The following ACTR3B variants were observed in gnomAD, a reference collection of about 807,000 sequenced individuals.
ACTR3B encodes the protein actin-related protein 3B.
A neutral mutation model predicts 59.0 loss-of-function variants in ACTR3B; 8 were observed. The ratio of observed to expected loss-of-function variants is 0.14; its 90% CI spans 0.08 to 0.24. The LOEUF is 0.24. Among genes scored for constraint, ACTR3B ranks in the 10% least tolerant of loss-of-function variants. ACTR3B has a pLI of 1.00. For missense variants in ACTR3B, 245 were observed against 552.3 expected (o/e 0.44, Z 5.58); for synonymous variants, 148 against 197.9 (o/e 0.75, Z 2.12).
At chr7:152,853,628 G>T (rs759853659) in intron 11 of ACTR3B, 51 bp downstream of exon 11, 1 of 1,528,468 alleles carries the variant, frequency 6.5e-7, no homozygotes, top group Non-Finnish European at 9.0e-7. Flanking sequence ...GCTCTCGGTT[G>T]AGTTTGGGTA....
chr7:152,850,749 G>A (rs1181654059), intron 9 of ACTR3B, among the ~76,000 whole-genome samples: 2 of 151,520 alleles, frequency 1.3e-5, no homozygotes, highest in Non-Finnish European at 2.9e-5. Flanking sequence ...GGGTTGCTAG[G>A]GACAGAAAAG....
chr7:152,823,597 C>T (rs1796353292), intron 8 of ACTR3B, 82 bp downstream of exon 8: 4 of 1,483,394 alleles, frequency 2.7e-6, no homozygotes, highest in East Asian at 2.3e-5. Context: ...CAGTTCCCAG[C>T]GAAGGGCCTG....
At chr7:152,763,711 A>G (rs763317682) in intron 1 of ACTR3B, among the ~76,000 whole-genome samples, 14 of 152,212 alleles carry the variant, frequency 9.2e-5, no homozygotes, top group Non-Finnish European at 1.8e-4. Flanking sequence ...GGCGTGAGCC[A>G]CTGTGCCTGG....
At chr7:152,762,995 G>C (rs903784345) in intron 1 of ACTR3B, among the ~76,000 whole-genome samples, 2 of 152,104 alleles carry the variant, frequency 1.3e-5, no homozygotes, top group African/African-American at 2.4e-5. Context: ...TTTCTTCACT[G>C]TTCAGTTACT....
At chr7:152,840,600 G>C (rs1439302143) in intron 9 of ACTR3B, among the ~76,000 whole-genome samples, 6 of 143,138 alleles carry the variant, frequency 4.2e-5, no homozygotes, top group Admixed American at 2.1e-4. Context: ...TCAGGAAAAC[G>C]GGGTTTCTAC....
intron 2 of ACTR3B, among the ~76,000 whole-genome samples, chr7:152,799,674 G>A (rs2098228437): frequency 6.6e-6 from 1 of 152,218 alleles, no homozygotes; most frequent in Non-Finnish European, 1.5e-5. Context: ...GCCAGTGGAA[G>A]CATCAAACAC....
chr7:152,854,353 AG>A lies in ACTR3B; in HGVS notation c.1162-102del. ...TCTTGCAGCAGCGGTCCTGGGAGGG[AG>A]GGTGGAGGCCGGGATGAGGAGAGTG... On this transcript the variant is annotated intron_variant, in intron 11 of 11. Transcript: ENST00000256001. The surrounding 1 kb of genome is among the most constrained non-coding windows in gnomAD (Gnocchi z 4.9). 5.2e-6 allele frequency: 5 copies of A among 956,548 alleles called. No homozygotes were observed. Among genetic ancestry groups the A allele is most frequent in the Non-Finnish European group, 6.7e-6 (4 of 596,186 alleles). 59.3% of individuals were successfully genotyped at this position (956,548 alleles called of 1,614,324 possible).
intron 1 of ACTR3B, among the ~76,000 whole-genome samples, chr7:152,782,043 G>C (rs2098155738): frequency 6.6e-6 from 1 of 150,466 alleles, no homozygotes; most frequent in Non-Finnish European, 1.5e-5. Context: ...GTTTTTTTTT[G>C]GTTTCCCCAG....
intron 9 of ACTR3B, among the ~76,000 whole-genome samples, chr7:152,847,783 G>T (rs1798470136): frequency 6.6e-6 from 1 of 152,230 alleles, no homozygotes; most frequent in Non-Finnish European, 1.5e-5. Context: ...ATTAAGGCCA[G>T]TGGGTTTTCC....
chr7:152,764,660 A>G (rs1455909194), intron 1 of ACTR3B, among the ~76,000 whole-genome samples: 2 of 151,434 alleles, frequency 1.3e-5, no homozygotes, highest in Non-Finnish European at 2.9e-5. Context: ...AAAAAAAAAG[A>G]AAAAATAAAG....
intron 7 of ACTR3B, 63 bp from the exon 8 acceptor site, chr7:152,823,279 G>T (rs1796323116): frequency 3.1e-6 from 5 of 1,587,792 alleles, no homozygotes; most frequent in Non-Finnish European, 4.3e-6. Context: ...CTGGTTATTT[G>T]TCTGAGGGCA....
rs367954432 is a variant in ACTR3B at position 152,773,858 on chromosome 7, C to T, written c.45-9329C>T. Among the ~76,000 whole-genome samples, 7 of 152,200 alleles carry T rather than the reference C, an allele frequency of 4.6e-5. No homozygotes were observed. The South Asian group carries it at 6.2e-4, about 14-fold the overall frequency. On this transcript the variant is annotated intron_variant, in intron 1 of 11. Coordinates refer to ENST00000256001, the MANE Select transcript of ACTR3B (RefSeq NM_020445.6). ...GGAGCAAGTGCCCAGCAGTGTGGGG[C>T]GGGAGAGGGTCTCACCATGGCCTGA...
chr7:152,833,527 G>C (rs532400005), intron 9 of ACTR3B, among the ~76,000 whole-genome samples: 1 of 151,608 alleles, frequency 6.6e-6, no homozygotes, highest in Non-Finnish European at 1.5e-5. Context: ...AGGGGAAGGC[G>C]TGTCTGTGAG....
intron 9 of ACTR3B, among the ~76,000 whole-genome samples, chr7:152,830,933 G>GT (rs1215609482): frequency 1.3e-5 from 2 of 152,150 alleles, no homozygotes; most frequent in African/African-American, 2.4e-5. Context: ...CATATCATTG[G>GT]TTTTTTCATC....
intron 2 of ACTR3B, among the ~76,000 whole-genome samples, chr7:152,797,145 T>C (rs936969153): frequency 6.6e-6 from 1 of 152,108 alleles, no homozygotes; most frequent in Admixed American, 6.6e-5. Flanking sequence ...CAGGCTGGAG[T>C]GCAGTGGGGC....
In ACTR3B at chr7:152,854,597, A is replaced by G; in HGVS notation, c.*44A>G. 1 of 1,591,488 alleles carries G rather than the reference A, an allele frequency of 6.3e-7. No individual in the cohort carries two copies. The highest frequency in any genetic ancestry group is 8.6e-7 in the Non-Finnish European group (1 of 1,160,738). ...GTTCGATGGTGTCACGTTGGGGAAC[A>G]AGTGTCCTTCAGAACCCAGAGAAGG... On this transcript the variant is annotated 3_prime_UTR_variant, in exon 12 of 12. Coordinates refer to ENST00000256001, the MANE Select transcript of ACTR3B (RefSeq NM_020445.6). The surrounding 1 kb of genome is among the most constrained non-coding windows in gnomAD (Gnocchi z 4.9).
intron 2 of ACTR3B, among the ~76,000 whole-genome samples, chr7:152,787,528 G>A (rs1228757650): frequency 6.6e-6 from 1 of 151,528 alleles, no homozygotes; most frequent in East Asian, 1.9e-4. Context: ...AAGTCATAAA[G>A]ACTTTCTATA....
At chr7:152,847,043 T>C (rs1349991756) in intron 9 of ACTR3B, among the ~76,000 whole-genome samples, 1 of 141,058 alleles carries the variant, frequency 7.1e-6, no homozygotes, top group Non-Finnish European at 1.5e-5. Flanking sequence ...CAGTGAGCTC[T>C]AGTGCCCGGG....
At chr7:152,835,085 T>G (rs1184611326) in intron 9 of ACTR3B, among the ~76,000 whole-genome samples, 1 of 152,150 alleles carries the variant, frequency 6.6e-6, no homozygotes, top group African/African-American at 2.4e-5. Context: ...TCATATTGGA[T>G]TTTGGCTTTT....
Sources: gnomAD v4.1 joint callset for allele counts (sites outside exome capture counted in the v4.1 genomes callset) on GRCh38, gnomAD v4.1.1 for gene constraint, Gnocchi (gnomAD v3.1) non-coding constraint, MANE v1.5 for transcripts, NCBI Gene and HGNC (gene_info 2026-07-23, HGNC 2026-07-21) for gene names.